The following NT5M variants were observed in gnomAD, a reference collection of about 807,000 sequenced individuals.
NT5M encodes the protein 5'(3')-deoxyribonucleotidase, mitochondrial.
NT5M carries 22 observed loss-of-function variants against 22.2 expected under a neutral mutation model. The observed-to-expected ratio is 0.99, with a 90% CI of 0.71 to 1.41. NT5M has a LOEUF of 1.41. NT5M is among the 40% of genes most tolerant of loss of function. The pLI is 0.00. For missense variants in NT5M, 322 were observed against 314.8 expected (o/e 1.02, Z -0.17); for synonymous variants, 167 against 133.0 (o/e 1.26, Z -1.76).
At chr17:17,328,995 T>C (rs1354817525) in intron 3 of NT5M, among the ~76,000 whole-genome samples, 6 of 152,306 alleles carry the variant, frequency 3.9e-5, no homozygotes, top group Middle Eastern at 3.4e-3. Flanking sequence ...TTTTTATTTT[T>C]TAGACGGAGT....
At chr17:17,346,469 A>G (rs775181009) in intron 4 of NT5M, among the ~76,000 whole-genome samples, 1 of 152,204 alleles carries the variant, frequency 6.6e-6, no homozygotes, top group Non-Finnish European at 1.5e-5. Context: ...GTAAGCCATC[A>G]GGATGGCAGG....
intron 2 of NT5M, among the ~76,000 whole-genome samples, chr17:17,314,456 G>A (rs1401013738): frequency 1.3e-5 from 2 of 152,276 alleles, no homozygotes; most frequent in East Asian, 3.9e-4. Flanking sequence ...AATTTGGTGT[G>A]TATGCTTCCA....
chr17:17,309,938 C>T (rs540144990), intron 2 of NT5M, among the ~76,000 whole-genome samples: 1 of 151,758 alleles, frequency 6.6e-6, no homozygotes, highest in South Asian at 2.1e-4. Context: ...CATTCTCCTG[C>T]CTCAGCCTCC....
In NT5M at chr17:17,303,795, G is replaced by T; in HGVS notation, c.245G>T (p.Gly82Val). The change falls in exon 1 of 5, where the codon GGC becomes GTC. Residue 82 changes from glycine (G) to valine (V), a missense_variant. Transcript: ENST00000389022. ...GGCTTCTGGGTGTCGGAGCAGTACG[G>T]CCGCCTGCGGCCAGGGCTGAGCGTG... Reference protein sequence around the residue: ...RRGFWVSEQYGRLRPGLSEKA... With the variant: ...RRGFWVSEQYVRLRPGLSEKA... 6.5e-7 allele frequency: 1 copy of T among 1,542,140 alleles called. No homozygotes were observed. The highest frequency in any genetic ancestry group is 1.4e-5 in the African/African-American group (1 of 70,880).
intron 2 of NT5M, among the ~76,000 whole-genome samples, chr17:17,309,240 G>A (rs779299911): frequency 2.5e-4 from 37 of 150,822 alleles, no homozygotes; most frequent in Non-Finnish European, 3.8e-4. Flanking sequence ...ATCCTCCTGC[G>A]TCAGCCTCTA....
chr17:17,314,488 C>T (rs1411582158), intron 2 of NT5M, among the ~76,000 whole-genome samples: 11 of 152,132 alleles, frequency 7.2e-5, no homozygotes, highest in Admixed American at 6.6e-4. Flanking sequence ...GTGCACCCCC[C>T]TACATATTTA....
intron 2 of NT5M, among the ~76,000 whole-genome samples, chr17:17,308,465 G>C (rs2048857747): frequency 6.6e-6 from 1 of 151,954 alleles, no homozygotes; most frequent in Admixed American, 6.6e-5. Context: ...GGGGGCGGGT[G>C]CCTGTAATCC....
At chr17:17,336,698 G>GCC in intron 3 of NT5M, among the ~76,000 whole-genome samples, 1 of 151,978 alleles carries the variant, frequency 6.6e-6, no homozygotes, top group African/African-American at 2.4e-5. Flanking sequence ...CTACAGGCAT[G>GCC]CACCACCACA....
At chr17:17,345,071 G>T in intron 4 of NT5M, 163 bp downstream of exon 4, 1 of 1,185,904 alleles carries the variant, frequency 8.4e-7, no homozygotes. Context: ...CCCTCTGTAT[G>T]GGCTGTGGCC....
chr17:17,308,506 C>T (rs982051432), intron 2 of NT5M, among the ~76,000 whole-genome samples: 3 of 151,822 alleles, frequency 2.0e-5, no homozygotes, highest in Admixed American at 1.3e-4. Context: ...GCAGGAGAAT[C>T]TCTTGAACCT....
At chr17:17,311,059 G>A (rs904863103) in intron 2 of NT5M, among the ~76,000 whole-genome samples, 18 of 152,120 alleles carry the variant, frequency 1.2e-4, no homozygotes, top group Admixed American at 2.0e-4. Context: ...GTTTTGGGCC[G>A]GGCGCGGTGG....
At position 17,306,742 on chromosome 17, in the gene NT5M, C is replaced by G. The variant is rs868162435; in HGVS notation, c.368+99C>G. ...TTCCCTCCTCTGCCTTCTCCTTTCT[C>G]TCTCCTTGGCCCTGCGCAAGGCTGC... On this transcript the variant is annotated intron_variant, in intron 2 of 4. Transcript: ENST00000389022. 14 of 857,748 alleles carry G rather than the reference C, an allele frequency of 1.6e-5. No homozygotes were observed. The African/African-American group carries it at 1.8e-4, about 11-fold the overall frequency. 53.1% of individuals were successfully genotyped at this position (857,748 alleles called of 1,614,324 possible). A position where few individuals can be genotyped will look rare whatever the true frequency, so the allele number is the denominator to read the frequency against.
rs1240492381 is a variant in NT5M at position 17,303,405 on chromosome 17, C to T, written c.-146C>T. The T allele has an allele frequency of 2.1e-6, 2 of 951,894 alleles. No homozygotes were observed. The highest frequency in any genetic ancestry group is 2.5e-6 in the Non-Finnish European group (2 of 797,350). The allele number at this position is 951,894 out of a possible 1,614,324, so 59.0% of individuals were successfully genotyped here. A position where few individuals can be genotyped will look rare whatever the true frequency, so the allele number is the denominator to read the frequency against. On this transcript the variant is annotated 5_prime_UTR_variant, in exon 1 of 5. Coordinates refer to ENST00000389022, the MANE Select transcript of NT5M (RefSeq NM_020201.4). ...GGCCGGTACTTGCGCGCCCGCACCC[C>T]GCGCTCCCCGCCCCGCTCCCCGTCC... is the stretch of plus-strand genomic sequence containing the variant.
chr17:17,311,355 T>C (rs1362615052), intron 2 of NT5M, among the ~76,000 whole-genome samples: 3 of 145,930 alleles, frequency 2.1e-5, no homozygotes, highest in South Asian at 4.4e-4. Context: ...AAAAAAAGAG[T>C]TTTAGTTTTA....
rs142120102 is a variant in NT5M at position 17,346,809 on chromosome 17, C to T, written c.549C>T (p.Ala183=). Residue 183 remains alanine (A), a synonymous_variant, in exon 5 of 5, where the codon GCC becomes GCT. Transcript: ENST00000389022. The part of the protein sequence containing the change: ...LIDDRPDITG[A]EPTPSWEHVL... Reference sequence around the variant, plus strand: ...ATGCCGCTTTCCCACCCACAGGGGCCGAGCCAACCCCCAGCTGGGAGCATG... The same window carrying T: ...ATGCCGCTTTCCCACCCACAGGGGCTGAGCCAACCCCCAGCTGGGAGCATG... The T allele has an allele frequency of 3.7e-5, 59 of 1,606,822 alleles. No homozygotes were observed. In the African/African-American group the frequency reaches 4.5e-4, roughly 12 times the overall value.
intron 2 of NT5M, among the ~76,000 whole-genome samples, chr17:17,321,506 C>A (rs1567888666): frequency 6.6e-6 from 1 of 151,784 alleles, no homozygotes; most frequent in Non-Finnish European, 1.5e-5. Flanking sequence ...CTTGGAGTCT[C>A]ACCCACAAGA....
chr17:17,332,973 A>G (rs1345603640), intron 3 of NT5M, among the ~76,000 whole-genome samples: 1 of 152,142 alleles, frequency 6.6e-6, no homozygotes, highest in Non-Finnish European at 1.5e-5. Flanking sequence ...AAAAAAATCC[A>G]CAGTGAATGA....
In NT5M at chr17:17,329,144, A is replaced by AT. The variant is rs550649499; in HGVS notation, c.429+5906dup. Among the ~76,000 whole-genome samples, 8 of 151,958 alleles carry AT rather than the reference A, an allele frequency of 5.3e-5. No homozygotes were observed. The South Asian group carries it at 1.7e-3, about 32-fold the overall frequency. On this transcript the variant is annotated intron_variant, in intron 3 of 4. Coordinates refer to ENST00000389022, the MANE Select transcript of NT5M (RefSeq NM_020201.4). Reference sequence around the variant, plus strand: ...AGGTGCCTGCTACCACGCCGAGCTAATTTTTTTGTATTTTTAGTAGAGACG... The same window carrying AT: ...AGGTGCCTGCTACCACGCCGAGCTAATTTTTTTTGTATTTTTAGTAGAGACG...
chr17:17,333,902 C>T (rs1387990839), intron 3 of NT5M, among the ~76,000 whole-genome samples: 1 of 150,402 alleles, frequency 6.6e-6, no homozygotes, highest in Non-Finnish European at 1.5e-5. Context: ...GGCACAATCT[C>T]GGCTCATTGC....
Sources: allele counts gnomAD v4.1 joint callset (sites outside exome capture counted in the v4.1 genomes callset), GRCh38; gene constraint gnomAD v4.1.1; transcripts MANE v1.5; gene names NCBI Gene and HGNC (gene_info 2026-07-23, HGNC 2026-07-21).